The following PPP1R10 variants were observed in gnomAD, a reference collection of about 807,000 sequenced individuals.
PPP1R10 encodes the protein serine/threonine-protein phosphatase 1 regulatory subunit 10.
In PPP1R10, 15 loss-of-function variants were observed where a neutral mutation model predicts 99.0. That is an observed-to-expected ratio of 0.15 (90% CI 0.10 to 0.23). The LOEUF (loss-of-function observed/expected upper bound fraction) is 0.23, where lower values mean the gene tolerates loss of function less well. Among genes scored for constraint, PPP1R10 ranks in the 10% least tolerant of loss-of-function variants. The pLI, the probability that PPP1R10 is intolerant of heterozygous loss-of-function variation, is 1.00. For synonymous variants in PPP1R10, 430 were observed against 449.5 expected, an observed-to-expected ratio of 0.96 and a Z score of 0.55; for missense variants, 947 against 1,259.4, an observed-to-expected ratio of 0.75 and a Z score of 3.75.
intron 2 of PPP1R10, among the ~76,000 whole-genome samples, chr6:30,613,631 CAT>C (rs1804777765): frequency 6.6e-6 from 1 of 152,278 alleles, no homozygotes; most frequent in South Asian, 2.1e-4. Context: ...CACCCTGACT[CAT>C]AGAAAAAGAC....
chr6:30,610,267 C>T (rs902842987), intron 2 of PPP1R10, among the ~76,000 whole-genome samples: 14 of 152,128 alleles, frequency 9.2e-5, no homozygotes, highest in African/African-American at 1.9e-4. Flanking sequence ...TTCACTAGAT[C>T]GTATTAAAGC....
At position 30,604,229 on chromosome 6, in the gene PPP1R10, A is replaced by G. The variant is rs758905526; in HGVS notation, c.1287T>C (p.Phe429=). 18 of 1,614,048 alleles carry G rather than the reference A, an allele frequency of 1.1e-5. No individual in the cohort carries two copies. The highest frequency in any genetic ancestry group is 1.4e-5 in the Non-Finnish European group (17 of 1,180,036). Residue 429 remains phenylalanine (F), a synonymous_variant, in exon 14 of 20, where the codon TTT becomes TTC. Coordinates refer to ENST00000376511, the MANE Select transcript of PPP1R10 (RefSeq NM_002714.4). This position sits in a 1 kb window ranked among gnomAD's most constrained non-coding sequence, Gnocchi z 7.3. Reference sequence around the variant, plus strand: ...GTATCTCTCGCTTAGCCGCCTCACCAAAGTCCTTGATCTTATTCACATTTA... The same window carrying G: ...GTATCTCTCGCTTAGCCGCCTCACCGAAGTCCTTGATCTTATTCACATTTA... The part of the protein sequence containing the change: ...ERVNVNKIKD[F]GEAAKREILS...
intron 2 of PPP1R10, among the ~76,000 whole-genome samples, chr6:30,613,604 G>A (rs922090891): frequency 6.6e-6 from 1 of 152,080 alleles, no homozygotes. Flanking sequence ...TTCCAATAAA[G>A]ATGCAAAATG....
rs761384283 is a variant in PPP1R10, at chr6:30,606,295, A to G, written c.635-52T>C. On this transcript the variant is annotated intron_variant, in intron 8 of 19. Coordinates refer to ENST00000376511, the MANE Select transcript of PPP1R10 (RefSeq NM_002714.4). The surrounding 1 kb of genome is among the most constrained non-coding windows in gnomAD (Gnocchi z 6.3). ...GCTGAACTCAAACCCCAGACCCCCG[A>G]ATTTTCCTCCCGTTCTCACCCGCAA... is the stretch of plus-strand genomic sequence containing the variant. 1 of 1,599,094 alleles carries G rather than the reference A, an allele frequency of 6.3e-7. No homozygotes were observed. Among genetic ancestry groups the G allele is most frequent in the East Asian group, 2.2e-5 (1 of 44,706 alleles).
intron 2 of PPP1R10, among the ~76,000 whole-genome samples, chr6:30,612,892 G>A (rs758425257): frequency 6.6e-6 from 1 of 152,224 alleles, no homozygotes; most frequent in Non-Finnish European, 1.5e-5. Context: ...ACCTACTCAA[G>A]ATCTGGAGTC....
intron 2 of PPP1R10, among the ~76,000 whole-genome samples, chr6:30,615,228 G>GT (rs1309969102): frequency 2.4e-4 from 26 of 110,146 alleles, no homozygotes; most frequent in Non-Finnish European, 4.6e-4. Context: ...CACCTTTTTA[G>GT]TAAAAAAAAA....
rs958874786 is a variant in PPP1R10, at chr6:30,606,941, T to C, written c.383-85A>G. 32 of 1,253,578 alleles carry C rather than the reference T, an allele frequency of 2.6e-5. No individual in the cohort carries two copies. Among genetic ancestry groups the C allele is most frequent in the African/African-American group, 2.3e-4 (15 of 66,368 alleles). The allele number at this position is 1,253,578 out of a possible 1,614,324, so 77.7% of individuals were successfully genotyped here. On this transcript the variant is annotated intron_variant, in intron 6 of 19. Coordinates refer to ENST00000376511, the MANE Select transcript of PPP1R10 (RefSeq NM_002714.4). This position sits in a 1 kb window ranked among gnomAD's most constrained non-coding sequence, Gnocchi z 6.3. ...AGAAAATGGGAGGTTTGAGAAAATA[T>C]TGTGAAAATTTATGTAACGGAGAAA...
In PPP1R10 at chr6:30,603,771, T is replaced by C. The variant is rs371338691; in HGVS notation, c.1572+9A>G. The C allele has an allele frequency of 1.3e-5, 20 of 1,541,376 alleles. No individual in the cohort carries two copies. Among genetic ancestry groups the C allele is most frequent in the African/African-American group, 4.2e-5 (3 of 72,250 alleles). On this transcript the variant is annotated intron_variant, in intron 15 of 19. Coordinates refer to ENST00000376511, the MANE Select transcript of PPP1R10 (RefSeq NM_002714.4). ...TCACAACTTCCATCATCACAGAACA[T>C]TGACTTACCTCATCTAGGGGGATGA...
At chr6:30,608,592 T>C (rs1804213239) in intron 5 of PPP1R10, among the ~76,000 whole-genome samples, 187 bp downstream of exon 5, 1 of 152,126 alleles carries the variant, frequency 6.6e-6, no homozygotes, top group African/African-American at 2.4e-5. Context: ...TGAGCCACCG[T>C]GCCCAGCCGC....
Position 30,606,876 on chromosome 6 carries a change from G to A in PPP1R10, c.383-20C>T. On this transcript the variant is annotated intron_variant, in intron 6 of 19. Transcript: ENST00000376511. This position sits in a 1 kb window ranked among gnomAD's most constrained non-coding sequence, Gnocchi z 6.3. The stretch of plus-strand genomic sequence containing the variant: ...GGAGCTCTGCAGGTGACAGAAAGGG[G>A]AAATGCCTAAATAATGTAAAGTAAC... The A allele has an allele frequency of 6.3e-7, 1 of 1,590,056 alleles. No homozygotes were observed. The highest frequency in any genetic ancestry group is 8.6e-7 in the Non-Finnish European group (1 of 1,158,650).
Position 30,605,965 on chromosome 6 carries a change from T to C in PPP1R10, c.811A>G (p.Asn271Asp). 6.2e-7 allele frequency: 1 copy of C among 1,614,052 alleles called. No homozygotes were observed. Among genetic ancestry groups the C allele is most frequent in the Non-Finnish European group, 8.5e-7 (1 of 1,179,960 alleles). The part of the protein sequence containing the change: ...KKYKPLNTTP[N>D]ATKEIKVKII... ...TTCACTTTGATCTCTTTGGTGGCATTAGGTGTTGTGTTGAGTGGCTTGTAT... is the reference window on the plus strand; with the variant it reads ...TTCACTTTGATCTCTTTGGTGGCATCAGGTGTTGTGTTGAGTGGCTTGTAT... The change falls in exon 10 of 20, where the codon AAT becomes GAT. Residue 271 changes from asparagine to aspartate, a missense_variant. Asn to Asp is a conservative substitution (Grantham distance 23). This residue lies in a region of PPP1R10 where 39 missense variants were observed against 34.4 expected (regional missense o/e 1.14). Coordinates refer to ENST00000376511, the MANE Select transcript of PPP1R10 (RefSeq NM_002714.4).
chr6:30,609,015 T>A lies in PPP1R10; in HGVS notation c.194+62A>T. ...TCCCATCAATGACCGAGGAACCCCA[T>A]GCCTCACCGCCCCATCTTTTCGCTA... On this transcript the variant is annotated intron_variant, in intron 4 of 19. Transcript: ENST00000376511. The surrounding 1 kb of genome is among the most constrained non-coding windows in gnomAD (Gnocchi z 4.5). 4 of 1,611,512 alleles carry A rather than the reference T, an allele frequency of 2.5e-6. No homozygotes were observed. Among genetic ancestry groups the A allele is most frequent in the Non-Finnish European group, 3.4e-6 (4 of 1,177,750 alleles).
intron 10 of PPP1R10, among the ~76,000 whole-genome samples, chr6:30,605,518 A>G (rs1296513043): frequency 6.6e-6 from 1 of 152,084 alleles, no homozygotes; most frequent in Non-Finnish European, 1.5e-5. Context: ...GGAAATAATA[A>G]AAGAGAAGGG....
chr6:30,605,911 C>G lies in PPP1R10; in HGVS notation c.853+12G>C, dbSNP rs542733944. 3 of 1,597,348 alleles carry G rather than the reference C, an allele frequency of 1.9e-6. No individual in the cohort carries two copies. In the African/African-American group the frequency reaches 4.0e-5, roughly 22 times the overall value. On this transcript the variant is annotated intron_variant, in intron 10 of 19. Transcript: ENST00000376511. ...CCTAATTCAAAGTACATCTTCCCCA[C>G]TTTAGACTCACGCTGTGGCGGGATG...
chr6:30,606,221 G>A lies in PPP1R10; in HGVS notation c.657C>T (p.Ser219=). Residue 219 remains serine, a synonymous_variant, in exon 9 of 20, where the codon TCC becomes TCT. Transcript: ENST00000376511. This position sits in a 1 kb window ranked among gnomAD's most constrained non-coding sequence, Gnocchi z 6.3. ...TGGCATTCTTCTTCACAGGCACCAA[G>A]GATGGTGTCTCCAGCTCTAGTCCTG... The part of the protein sequence containing the change: ...RSTGLELETP[S]LVPVKKNAST... 2 of 1,614,116 alleles carry A rather than the reference G, an allele frequency of 1.2e-6. No homozygotes were observed. Among genetic ancestry groups the A allele is most frequent in the Non-Finnish European group, 1.7e-6 (2 of 1,180,026 alleles).
rs536196720 is a variant in PPP1R10 at position 30,607,993 on chromosome 6, T to A, written c.331-102A>T. 1.6e-4 allele frequency: 196 copies of A among 1,236,926 alleles called. No individual in the cohort carries two copies. The African/African-American group carries it at 2.0e-3, about 12-fold the overall frequency. 76.6% of individuals were successfully genotyped at this position (1,236,926 alleles called of 1,614,324 possible). A position where few individuals can be genotyped will look rare whatever the true frequency, so the allele number is the denominator to read the frequency against. ...TTACAGTCCTCCCTGCTTTTTTTTT[T>A]TTTTTTATTTTTTGAGACGGAGTCT... On this transcript the variant is annotated intron_variant, in intron 5 of 19. Coordinates refer to ENST00000376511, the MANE Select transcript of PPP1R10 (RefSeq NM_002714.4).
rs530494737 is a variant in PPP1R10, at chr6:30,600,740, C to T, written c.*809G>A. 4.6e-5 allele frequency: 7 copies of T among 152,716 alleles called. No individual in the cohort carries two copies. In the East Asian group the frequency reaches 1.2e-3, roughly 25 times the overall value. The allele number at this position is 152,716 out of a possible 1,614,324, so 9.5% of individuals were successfully genotyped here. A position where few individuals can be genotyped will look rare whatever the true frequency, so the allele number is the denominator to read the frequency against. On this transcript the variant is annotated 3_prime_UTR_variant, in exon 20 of 20. Transcript: ENST00000376511. Reference sequence around the variant, plus strand: ...CCCAAAGGCAGTGCATGTAGTGTGACTTTCAGGCCCAGCACGCCGGGCCCA... The same window carrying T: ...CCCAAAGGCAGTGCATGTAGTGTGATTTTCAGGCCCAGCACGCCGGGCCCA...
chr6:30,607,998 T>G, intron 5 of PPP1R10, 107 bp from the exon 6 acceptor site: 1 of 1,123,818 alleles, frequency 8.9e-7, no homozygotes, highest in Non-Finnish European at 1.2e-6. Flanking sequence ...TTTTTTTTTT[T>G]TATTTTTTGA....
At chr6:30,611,580 CAT>C (rs1260774013) in intron 2 of PPP1R10, among the ~76,000 whole-genome samples, 4 of 152,156 alleles carry the variant, frequency 2.6e-5, no homozygotes, top group Non-Finnish European at 5.9e-5. Context: ...AAAGAAAAAA[CAT>C]AGCATAACAA....
Sources: allele counts gnomAD v4.1 joint callset (sites outside exome capture counted in the v4.1 genomes callset), GRCh38; gene constraint gnomAD v4.1.1; regional missense constraint gnomAD v4.1.1; non-coding constraint Gnocchi (gnomAD v3.1); transcripts MANE v1.5; gene names NCBI Gene and HGNC (gene_info 2026-07-23, HGNC 2026-07-21).